RTKN2: variants seen among roughly 807,000 people sequenced by gnomAD.
RTKN2 encodes the protein rhotekin-2.
In RTKN2, 69 loss-of-function variants were observed where a neutral mutation model predicts 71.5. The ratio of observed to expected loss-of-function variants is 0.96; its 90% CI spans 0.79 to 1.18. The LOEUF is 1.18. Among genes scored for constraint, RTKN2 ranks in the 50% most tolerant of loss-of-function variants. RTKN2 has a pLI of 0.00. For missense variants in RTKN2, 724 were observed against 719.7 expected, an observed-to-expected ratio of 1.01 and a Z score of -0.07; for synonymous variants, 236 against 236.5, an observed-to-expected ratio of 1.00 and a Z score of 0.02.
rs569344239 is a variant in RTKN2, at chr10:62,198,459, G to GA, written c.1295-17dup. On this transcript the variant is annotated splice_polypyrimidine_tract_variant and intron_variant, in intron 11 of 11. Coordinates refer to ENST00000373789, the MANE Select transcript of RTKN2 (RefSeq NM_145307.4). Reference sequence around the variant, plus strand: ...GAATCAATGCCTATAATAATTTTAAGAAAAAAAAACATGAAAAAATTCAAA... The same window carrying GA: ...GAATCAATGCCTATAATAATTTTAAGAAAAAAAAAACATGAAAAAATTCAAA... 5,628 of 1,333,212 alleles carry GA rather than the reference G, an allele frequency of 4.2e-3. 2 individuals are homozygous for GA. Among genetic ancestry groups the GA allele is most frequent in the South Asian group, 6.2e-3 (405 of 65,382 alleles). 82.6% of individuals were successfully genotyped at this position (1,333,212 alleles called of 1,614,324 possible).
chr10:62,245,827 G>A (rs11414087), intron 3 of RTKN2, among the ~76,000 whole-genome samples, 172 bp downstream of exon 3: 10,337 of 147,092 alleles, frequency 0.07, 469 homozygotes, highest in African/African-American at 0.14. Flanking sequence ...AAACTCTAAA[G>A]TTCTATATCA....
intron 8 of RTKN2, among the ~76,000 whole-genome samples, chr10:62,184,998 C>T (rs1320863600): frequency 6.6e-6 from 1 of 152,166 alleles, no homozygotes; most frequent in Non-Finnish European, 1.5e-5. Flanking sequence ...AGCGGTCACT[C>T]CAGGGCCCCT....
chr10:62,205,100 T>C, intron 9 of RTKN2, 78 bp from the exon 10 acceptor site: 1 of 1,115,170 alleles, frequency 9.0e-7, no homozygotes, highest in Non-Finnish European at 1.3e-6. Context: ...ATTGCTTAGC[T>C]ACCATATTTA....
intron 9 of RTKN2, among the ~76,000 whole-genome samples, chr10:62,215,702 T>A (rs534375037): frequency 6.6e-6 from 1 of 151,992 alleles, no homozygotes; most frequent in Non-Finnish European, 1.5e-5. Context: ...AAAGCAAATG[T>A]GGCAAAATGT....
intron 6 of RTKN2, 41 bp downstream of exon 6, chr10:62,236,025 T>C (rs1377121121): frequency 7.6e-6 from 10 of 1,314,714 alleles, no homozygotes; most frequent in Non-Finnish European, 1.1e-5. Flanking sequence ...ATATCACAAA[T>C]GTATAATTAT....
chr10:62,229,337 A>G (rs1842100132), intron 6 of RTKN2, among the ~76,000 whole-genome samples: 1 of 152,224 alleles, frequency 6.6e-6, no homozygotes, highest in Non-Finnish European at 1.5e-5. Context: ...GACAAGATCT[A>G]GAATACAATC....
At chr10:62,209,812 T>C (rs1841622474) in intron 9 of RTKN2, among the ~76,000 whole-genome samples, 1 of 152,204 alleles carries the variant, frequency 6.6e-6, no homozygotes, top group African/African-American at 2.4e-5. Flanking sequence ...TTTTTATGGC[T>C]GCAGAGCATT....
At chr10:62,222,331 C>CA (rs903772950) in intron 7 of RTKN2, among the ~76,000 whole-genome samples, 2 of 151,918 alleles carry the variant, frequency 1.3e-5, no homozygotes, top group Admixed American at 1.3e-4. Flanking sequence ...AGGCAGGTCT[C>CA]AAACTCCTGG....
chr10:62,227,663 ATC>A (rs1451561992), intron 6 of RTKN2, among the ~76,000 whole-genome samples: 1 of 152,168 alleles, frequency 6.6e-6, no homozygotes, highest in Non-Finnish European at 1.5e-5. Flanking sequence ...ATGTGCTATG[ATC>A]TGACTTGTAT....
Position 62,199,788 on chromosome 10 carries a change from C to G in RTKN2, c.1260G>C (p.Leu420Phe). ...GGTAGACTGAGGTTGCCTCTTTTGT[C>G]AAGAACAAAGGTGGTTTCCGTGGTG... Reference protein sequence around the residue: ...IMSPRKPPLFLTKEATSVYHD... With the variant: ...IMSPRKPPLFFTKEATSVYHD... Residue 420 changes from leucine (L) to phenylalanine (F), a missense_variant, in exon 11 of 12, where the codon TTG (leucine) becomes TTC (phenylalanine). Transcript: ENST00000373789. The G allele has an allele frequency of 6.2e-7, 1 of 1,613,474 alleles. No individual in the cohort carries two copies. The highest frequency in any genetic ancestry group is 8.5e-7 in the Non-Finnish European group (1 of 1,179,576).
At chr10:62,205,911 T>C (rs1841539343) in intron 9 of RTKN2, among the ~76,000 whole-genome samples, 1 of 152,136 alleles carries the variant, frequency 6.6e-6, no homozygotes, top group Non-Finnish European at 1.5e-5. Flanking sequence ...AGAGATTTGA[T>C]GCCTAGATAA....
intron 2 of RTKN2, 151 bp from the exon 3 acceptor site, chr10:62,246,208 T>A (rs189671739): frequency 5.2e-6 from 3 of 582,328 alleles, no homozygotes; most frequent in East Asian, 5.9e-5. Context: ...ACTCAAACTT[T>A]AAGATGTTTA....
At chr10:62,258,684 A>G (rs1842717935) in intron 2 of RTKN2, among the ~76,000 whole-genome samples, 1 of 152,250 alleles carries the variant, frequency 6.6e-6, no homozygotes, top group Admixed American at 6.5e-5. Context: ...TTTTAATTCC[A>G]GAATTCAATA....
At chr10:62,219,607 C>T (rs1438800054) in intron 7 of RTKN2, among the ~76,000 whole-genome samples, 1 of 151,870 alleles carries the variant, frequency 6.6e-6, no homozygotes, top group Admixed American at 6.6e-5. Context: ...GGGGTACAGA[C>T]TATCATGTAA....
intron 9 of RTKN2, among the ~76,000 whole-genome samples, chr10:62,207,486 G>T (rs1841571099): frequency 6.6e-6 from 1 of 152,064 alleles, no homozygotes; most frequent in Non-Finnish European, 1.5e-5. Context: ...TTCTTAGAGT[G>T]TCAGAAAGTT....
intron 6 of RTKN2, among the ~76,000 whole-genome samples, chr10:62,235,570 T>C (rs1056452139): frequency 2.0e-5 from 3 of 152,068 alleles, no homozygotes; most frequent in African/African-American, 7.2e-5. Context: ...CCTGACTTCA[T>C]GTGATGTTTG....
intron 9 of RTKN2, among the ~76,000 whole-genome samples, chr10:62,214,190 T>TATA (rs1282987786): frequency 6.6e-6 from 1 of 151,768 alleles, no homozygotes. Context: ...ATTTATATTC[T>TATA]ATAATAATAA....
chr10:62,250,069 C>T (rs1308685420), intron 2 of RTKN2, among the ~76,000 whole-genome samples: 2 of 152,242 alleles, frequency 1.3e-5, no homozygotes, highest in East Asian at 3.9e-4. Context: ...TTTAATTTAC[C>T]GTAAATGGGG....
chr10:62,265,128 T>C (rs1451320863), intron 1 of RTKN2, among the ~76,000 whole-genome samples: 1 of 151,934 alleles, frequency 6.6e-6, no homozygotes, highest in Non-Finnish European at 1.5e-5. Context: ...GTGTAAAAAG[T>C]TTGAAGATGA....
Sources: allele counts gnomAD v4.1 joint callset (sites outside exome capture counted in the v4.1 genomes callset), GRCh38; gene constraint gnomAD v4.1.1; transcripts MANE v1.5; gene names NCBI Gene and HGNC (gene_info 2026-07-23, HGNC 2026-07-21).